Variants in BBX observed in about 807,000 individuals in gnomAD.
BBX encodes HMG box transcription factor BBX.
BBX carries 30 observed loss-of-function variants against 100.2 expected under a neutral mutation model. That is an observed-to-expected ratio of 0.30 (90% CI 0.22 to 0.41). BBX has a LOEUF of 0.41. Among genes scored for constraint, BBX ranks in the 10% least tolerant of loss-of-function variants. The probability of loss-of-function intolerance (pLI) is 1.00; values close to 1 mark genes in which losing one functional copy is unlikely to be tolerated. For synonymous variants in BBX, 376 were observed against 388.1 expected, an observed-to-expected ratio of 0.97 and a Z score of 0.37; for missense variants, 1,023 against 1,129.8, an observed-to-expected ratio of 0.91 and a Z score of 1.35.
At chr3:107,690,891 C>CA (rs1305340083) in intron 3 of BBX, among the ~76,000 whole-genome samples, 1 of 72,314 alleles carries the variant, frequency 1.4e-5, no homozygotes, top group African/African-American at 4.5e-5. Context: ...TGCCCCCCCC[C>CA]CTTTTTTTTT....
At chr3:107,608,306 G>A (rs13318899) in intron 2 of BBX, among the ~76,000 whole-genome samples, 13,108 of 152,140 alleles carry the variant, frequency 0.086, 743 homozygotes, top group Admixed American at 0.13. Flanking sequence ...GGTTTCCCAG[G>A]ATCATTTATT....
chr3:107,726,220 C>G (rs2062922536), intron 5 of BBX, among the ~76,000 whole-genome samples: 1 of 152,024 alleles, frequency 6.6e-6, no homozygotes, highest in Non-Finnish European at 1.5e-5. Flanking sequence ...CTACTATTGT[C>G]TTTTAGCTAA....
At chr3:107,605,051 G>A (rs1010181169) in intron 2 of BBX, among the ~76,000 whole-genome samples, 5 of 152,072 alleles carry the variant, frequency 3.3e-5, no homozygotes, top group African/African-American at 9.7e-5. Context: ...TTCAGTACTC[G>A]GTGAGATGCC....
intron 2 of BBX, among the ~76,000 whole-genome samples, chr3:107,642,043 C>T (rs564163709): frequency 6.6e-6 from 1 of 152,192 alleles, no homozygotes; most frequent in East Asian, 1.9e-4. Context: ...ATTTCTAGGC[C>T]TTTAGCCTGT....
At position 107,731,804 on chromosome 3, in the gene BBX, C is replaced by T. The variant is rs150671187; in HGVS notation, c.602-1152C>T. ...TACAAAGATGTACTTAAGGACATAT[C>T]TTCAACCCGAAAAAGAAAAGAAACA... On this transcript the variant is annotated intron_variant, in intron 6 of 17. Transcript: ENST00000325805. 8.5e-4 allele frequency among the ~76,000 whole-genome samples: 130 copies of T among 152,108 alleles called. 1 individual carries two copies. The highest frequency in any genetic ancestry group is 3.3e-3 in the South Asian group (16 of 4,816).
intron 3 of BBX, among the ~76,000 whole-genome samples, chr3:107,672,643 A>G (rs184914856): frequency 1.2e-4 from 18 of 152,164 alleles, no homozygotes; most frequent in East Asian, 5.8e-4. Flanking sequence ...ATTAAGTAGA[A>G]GAGTCCATTG....
intron 2 of BBX, among the ~76,000 whole-genome samples, chr3:107,604,990 T>C (rs2054322293): frequency 6.6e-6 from 1 of 152,224 alleles, no homozygotes; most frequent in African/African-American, 2.4e-5. Flanking sequence ...CAAAACTCAC[T>C]GTTCAGAGTT....
At chr3:107,590,292 G>A (rs979381185) in intron 2 of BBX, among the ~76,000 whole-genome samples, 5 of 152,122 alleles carry the variant, frequency 3.3e-5, no homozygotes, top group South Asian at 4.2e-4. Context: ...ACATATATGG[G>A]ATATTTGTGA....
intron 3 of BBX, among the ~76,000 whole-genome samples, chr3:107,669,725 G>A (rs999822542): frequency 3.9e-5 from 6 of 152,112 alleles, no homozygotes; most frequent in African/African-American, 1.4e-4. Context: ...ATGTATACAA[G>A]GCAGTATATA....
intron 10 of BBX, among the ~76,000 whole-genome samples, chr3:107,763,300 C>T (rs1469720719): frequency 4.0e-5 from 6 of 151,240 alleles, no homozygotes; most frequent in African/African-American, 1.2e-4. Context: ...TCTCGGCTCA[C>T]TGCAAGCTCC....
intron 2 of BBX, among the ~76,000 whole-genome samples, chr3:107,622,772 G>C (rs369075713): frequency 6.6e-6 from 1 of 151,986 alleles, no homozygotes; most frequent in East Asian, 1.9e-4. Flanking sequence ...TGAGACTCTG[G>C]GTCTTTTTTT....
chr3:107,544,341 TGTC>T (rs1430898828), intron 2 of BBX, among the ~76,000 whole-genome samples: 1 of 152,220 alleles, frequency 6.6e-6, no homozygotes, highest in African/African-American at 2.4e-5. Flanking sequence ...CATTTTGAAA[TGTC>T]GTCACAGAGA....
chr3:107,739,520 T>C (rs933346592), intron 7 of BBX, among the ~76,000 whole-genome samples: 2 of 152,174 alleles, frequency 1.3e-5, no homozygotes, highest in African/African-American at 4.8e-5. Context: ...GCCCAGATAA[T>C]TGGGTCCTTT....
At chr3:107,770,690 C>A (rs1439796305) in intron 10 of BBX, among the ~76,000 whole-genome samples, 2 of 152,142 alleles carry the variant, frequency 1.3e-5, no homozygotes, top group Non-Finnish European at 2.9e-5. Context: ...AAAGACAGCT[C>A]TGTTGTGAAT....
chr3:107,572,579 A>T (rs2051451270), intron 2 of BBX, among the ~76,000 whole-genome samples: 1 of 152,212 alleles, frequency 6.6e-6, no homozygotes. Context: ...TTCTTTTAGA[A>T]AAAGGTTAGA....
At chr3:107,691,354 G>C (rs1026069415) in intron 3 of BBX, among the ~76,000 whole-genome samples, 16 of 152,104 alleles carry the variant, frequency 1.1e-4, no homozygotes, top group African/African-American at 3.6e-4. Flanking sequence ...TAAAAATAAG[G>C]TTTTAGTACT....
chr3:107,673,876 C>T (rs2059148466), intron 3 of BBX, among the ~76,000 whole-genome samples: 1 of 152,160 alleles, frequency 6.6e-6, no homozygotes, highest in Admixed American at 6.6e-5. Flanking sequence ...AGTCTTGTTT[C>T]ATGTAAAACA....
At chr3:107,784,832 T>G (rs1576798075) in intron 13 of BBX, among the ~76,000 whole-genome samples, 1 of 151,612 alleles carries the variant, frequency 6.6e-6, no homozygotes, top group African/African-American at 2.4e-5. Flanking sequence ...GAAATGAAAT[T>G]AATTAAATAA....
rs527645608 is a variant in BBX at position 107,729,467 on chromosome 3, A to T, written c.601+507A>T. Among the ~76,000 whole-genome samples, 5 of 152,308 alleles carry T rather than the reference A, an allele frequency of 3.3e-5. No individual in the cohort carries two copies. The East Asian group carries it at 5.8e-4, about 18-fold the overall frequency. ...ATTCCCATCCTGTCTGTCTCCTCTC[A>T]TGTCCATTCTTGTATGGGACAGACA... On this transcript the variant is annotated intron_variant, in intron 6 of 17. Coordinates refer to ENST00000325805, the MANE Select transcript of BBX (RefSeq NM_001142568.3).
Sources: allele counts gnomAD v4.1 joint callset (sites outside exome capture counted in the v4.1 genomes callset), GRCh38; gene constraint gnomAD v4.1.1; transcripts MANE v1.5; gene names NCBI Gene and HGNC (gene_info 2026-07-23, HGNC 2026-07-21).